PPP1R8: variants seen among roughly 807,000 people sequenced by gnomAD.
The protein encoded by PPP1R8 is nuclear inhibitor of protein phosphatase 1.
In PPP1R8, 4 loss-of-function variants were observed where a neutral mutation model predicts 31.3. The ratio of observed to expected loss-of-function variants is 0.13; its 90% CI spans 0.06 to 0.29. PPP1R8 has a LOEUF of 0.29. Ranked by LOEUF, PPP1R8 falls within the 10% of genes least tolerant of loss-of-function variation. PPP1R8 has a pLI of 1.00. For synonymous variants in PPP1R8, 170 were observed against 169.7 expected, an observed-to-expected ratio of 1.00 and a Z score of -0.01; for missense variants, 254 against 440.1, an observed-to-expected ratio of 0.58 and a Z score of 3.78.
intron 1 of PPP1R8, chr1:27,831,180 G>A: frequency 1.7e-6 from 2 of 1,193,922 alleles, no homozygotes; most frequent in Non-Finnish European, 2.1e-6. Flanking sequence ...GCCTTGGCCC[G>A]AACTTACGCC....
chr1:27,832,961 T>C, intron 2 of PPP1R8, 145 bp downstream of exon 2: 1 of 670,652 alleles, frequency 1.5e-6, no homozygotes. Flanking sequence ...TAAAAGCACA[T>C]GGTGACATCA....
At chr1:27,837,499 G>A (rs542522341) in intron 2 of PPP1R8, among the ~76,000 whole-genome samples, 4 of 151,922 alleles carry the variant, frequency 2.6e-5, no homozygotes, top group South Asian at 4.2e-4. Context: ...AAGTTGGGCC[G>A]GGCGCAGCGG....
At chr1:27,849,409 G>A (rs1479366437) in intron 6 of PPP1R8, among the ~76,000 whole-genome samples, 1 of 151,006 alleles carries the variant, frequency 6.6e-6, no homozygotes, top group Non-Finnish European at 1.5e-5. Context: ...ACCAAACATG[G>A]ACATACCACA....
intron 4 of PPP1R8, 77 bp from the exon 5 acceptor site, chr1:27,843,109 C>G (rs900422906): frequency 1.3e-6 from 2 of 1,571,396 alleles, no homozygotes; most frequent in Non-Finnish European, 1.7e-6. Context: ...GCCTTCCTCA[C>G]CTTTATTTAG....
At chr1:27,843,094 C>G in intron 4 of PPP1R8, 92 bp from the exon 5 acceptor site, 4 of 1,499,688 alleles carry the variant, frequency 2.7e-6, no homozygotes, top group Non-Finnish European at 3.7e-6. Context: ...AGATTAGCCC[C>G]TCATGCCTTC....
At chr1:27,849,611 C>T (rs1278201604) in intron 6 of PPP1R8, among the ~76,000 whole-genome samples, 1 of 152,052 alleles carries the variant, frequency 6.6e-6, no homozygotes, top group Admixed American at 6.6e-5. Flanking sequence ...GCCTCAGCCT[C>T]CCGAGTAGCT....
At chr1:27,832,177 C>T (rs1184801299) in intron 1 of PPP1R8, among the ~76,000 whole-genome samples, 1 of 152,126 alleles carries the variant, frequency 6.6e-6, no homozygotes, top group Non-Finnish European at 1.5e-5. Context: ...ATAGAGGAAA[C>T]GTCCCCTAAT....
At chr1:27,849,265 G>A (rs1044865656) in intron 6 of PPP1R8, among the ~76,000 whole-genome samples, 1 of 151,614 alleles carries the variant, frequency 6.6e-6, no homozygotes, top group East Asian at 1.9e-4. Flanking sequence ...CAGCTACTCC[G>A]GAGGCTGAGG....
chr1:27,832,726 A>G, intron 1 of PPP1R8, 30 bp from the exon 2 acceptor site: 1 of 1,583,658 alleles, frequency 6.3e-7, no homozygotes, highest in Non-Finnish European at 8.7e-7. Context: ...ACCCATCCTG[A>G]AAATGCTTTT....
In PPP1R8 at chr1:27,830,826, G is replaced by A. The variant is rs193018957; in HGVS notation, c.-10G>A. On this transcript the variant is annotated 5_prime_UTR_variant, in exon 1 of 7. Coordinates refer to ENST00000311772, the MANE Select transcript of PPP1R8 (RefSeq NM_014110.5). ...CTTAGGGCGCGCCAAATGGGAGGGG[G>A]AGACGCAAGATGGCGGCAGCCGCGA... is the stretch of plus-strand genomic sequence containing the variant. 6 of 1,574,494 alleles carry A rather than the reference G, an allele frequency of 3.8e-6. No homozygotes were observed. The African/African-American group carries it at 8.1e-5, about 21-fold the overall frequency.
chr1:27,849,395 G>A (rs1413545481), intron 6 of PPP1R8, among the ~76,000 whole-genome samples: 1 of 147,758 alleles, frequency 6.8e-6, no homozygotes, highest in African/African-American at 2.5e-5. Flanking sequence ...AAAAAAAATT[G>A]CACACCAAAC....
At chr1:27,834,077 A>G (rs1000658436) in intron 2 of PPP1R8, among the ~76,000 whole-genome samples, 13 of 152,264 alleles carry the variant, frequency 8.5e-5, no homozygotes, top group Non-Finnish European at 1.8e-4. Context: ...TGAATAGCAC[A>G]AAGCTTGAAG....
intron 4 of PPP1R8, 62 bp from the exon 5 acceptor site, chr1:27,843,124 A>G: frequency 6.3e-7 from 1 of 1,595,550 alleles, no homozygotes; most frequent in Non-Finnish European, 8.6e-7. Context: ...ATTTAGTATG[A>G]TTTTCTCCAT....
Position 27,830,802 on chromosome 1 carries a change from T to C in PPP1R8, c.-34T>C, listed in dbSNP as rs902600760. The stretch of plus-strand genomic sequence containing the variant: ...TCGGTCTTCCAGTTTCCCGGCGTGC[T>C]TAGGGCGCGCCAAATGGGAGGGGGA... On this transcript the variant is annotated 5_prime_UTR_variant, in exon 1 of 7. Coordinates refer to ENST00000311772, the MANE Select transcript of PPP1R8 (RefSeq NM_014110.5). 2 of 1,563,394 alleles carry C rather than the reference T, an allele frequency of 1.3e-6. No homozygotes were observed. The highest frequency in any genetic ancestry group is 2.4e-5 in the East Asian group (1 of 41,838).
chr1:27,840,119 A>C (rs778478533), intron 3 of PPP1R8, among the ~76,000 whole-genome samples: 22 of 152,242 alleles, frequency 1.4e-4, no homozygotes, highest in Non-Finnish European at 2.5e-4. Context: ...ATAAGCATAC[A>C]CCAATTAATA....
intron 1 of PPP1R8, among the ~76,000 whole-genome samples, chr1:27,831,897 T>A (rs747065003): frequency 3.3e-5 from 5 of 152,234 alleles, no homozygotes; most frequent in Non-Finnish European, 7.4e-5. Flanking sequence ...TTCTTTTTTC[T>A]AACTTCAAAT....
At chr1:27,836,789 T>C (rs949011070) in intron 2 of PPP1R8, among the ~76,000 whole-genome samples, 7 of 151,976 alleles carry the variant, frequency 4.6e-5, no homozygotes, top group Admixed American at 6.6e-5. Flanking sequence ...CCCAGCACTT[T>C]GGGAGGTTGA....
At chr1:27,834,362 T>C (rs1165346317) in intron 2 of PPP1R8, 1 of 510,732 alleles carries the variant, frequency 2.0e-6, no homozygotes, top group African/African-American at 1.9e-5. Flanking sequence ...TTGAGAGGCG[T>C]AGACCTGAGA....
At chr1:27,844,879 G>C (rs2089258853) in intron 5 of PPP1R8, among the ~76,000 whole-genome samples, 1 of 107,270 alleles carries the variant, frequency 9.3e-6, no homozygotes, top group Non-Finnish European at 1.7e-5. Flanking sequence ...CACCATGCCC[G>C]ACTAATTTTT....
Sources: gnomAD v4.1 joint callset for allele counts (sites outside exome capture counted in the v4.1 genomes callset) on GRCh38, gnomAD v4.1.1 for gene constraint, MANE v1.5 for transcripts, NCBI Gene and HGNC (gene_info 2026-07-23, HGNC 2026-07-21) for gene names.